The following STK32B variants were observed in gnomAD, a reference collection of about 807,000 sequenced individuals.
STK32B encodes the protein serine/threonine kinase 32B.
Under a neutral mutation model 52.6 loss-of-function variants are expected in STK32B, and 43 were observed. The ratio of observed to expected loss-of-function variants is 0.82; its 90% CI spans 0.64 to 1.05. The LOEUF (loss-of-function observed/expected upper bound fraction) is 1.05, where lower values mean the gene tolerates loss of function less well. Ranked by LOEUF, STK32B falls within the 50% of genes least tolerant of loss-of-function variation. The probability of loss-of-function intolerance (pLI) is 0.00; values close to 1 mark genes in which losing one functional copy is unlikely to be tolerated. For missense variants in STK32B, 621 were observed against 534.6 expected (o/e 1.16, Z -1.59); for synonymous variants, 238 against 204.3 (o/e 1.17, Z -1.41).
intron 3 of STK32B, among the ~76,000 whole-genome samples, chr4:5,317,501 T>A (rs1731166825): frequency 2.3e-5 from 2 of 85,338 alleles, no homozygotes. Context: ...TAATATATAT[T>A]ATATATGTAT....
intron 6 of STK32B, among the ~76,000 whole-genome samples, chr4:5,429,672 T>C (rs1713399690): frequency 6.6e-6 from 1 of 152,174 alleles, no homozygotes; most frequent in African/African-American, 2.4e-5. Flanking sequence ...TATTCTTTCT[T>C]TGTGTAGCTT....
intron 1 of STK32B, among the ~76,000 whole-genome samples, chr4:5,072,337 C>G (rs1177006367): frequency 6.6e-6 from 1 of 152,144 alleles, no homozygotes; most frequent in African/African-American, 2.4e-5. Context: ...GCTTCTCTTC[C>G]TATCCCTAAA....
chr4:5,188,868 T>TG (rs1720956148), intron 3 of STK32B, among the ~76,000 whole-genome samples: 1 of 59,440 alleles, frequency 1.7e-5, no homozygotes, highest in Non-Finnish European at 3.4e-5. Context: ...TGTCAGGGGG[T>TG]GGGGGGCTGG....
At chr4:5,201,478 A>T (rs1242704426) in intron 3 of STK32B, among the ~76,000 whole-genome samples, 2 of 152,190 alleles carry the variant, frequency 1.3e-5, no homozygotes, top group Non-Finnish European at 2.9e-5. Flanking sequence ...TGATTGAGGG[A>T]TGAGTTGCAC....
At chr4:5,032,894 C>T in the STK32B span, among the ~76,000 whole-genome samples, 1,455 of 152,156 alleles carry the variant, frequency 9.6e-3, 6 homozygotes, top group Non-Finnish European at 0.016. Context: ...GACAGTTGAA[C>T]TCTCTGAGCT....
intron 4 of STK32B, among the ~76,000 whole-genome samples, chr4:5,379,299 T>TC (rs1335723921): frequency 2.6e-5 from 4 of 152,072 alleles, no homozygotes; most frequent in African/African-American, 9.7e-5. Context: ...CCCCCTTGTA[T>TC]CCAGCACATG....
intron 1 of STK32B, among the ~76,000 whole-genome samples, chr4:5,092,607 C>T (rs540564634): frequency 3.9e-5 from 6 of 152,094 alleles, no homozygotes; most frequent in South Asian, 4.2e-4. Flanking sequence ...AATTGGCTCA[C>T]GGTTCTGCAG....
intron 2 of STK32B, among the ~76,000 whole-genome samples, chr4:5,147,572 G>C (rs1717010817): frequency 6.6e-6 from 1 of 151,958 alleles, no homozygotes; most frequent in African/African-American, 2.4e-5. Context: ...TTTCAGAGAT[G>C]CTCTTTATCA....
rs1016203376 is a variant in STK32B at position 5,375,153 on chromosome 4, C to T, written c.435-23054C>T. Among the ~76,000 whole-genome samples the T allele has an allele frequency of 3.3e-5, 5 of 152,324 alleles. No homozygotes were observed. In the South Asian group the frequency reaches 1.0e-3, roughly 32 times the overall value. On this transcript the variant is annotated intron_variant, in intron 4 of 11. Coordinates refer to ENST00000282908, the MANE Select transcript of STK32B (RefSeq NM_018401.3). The stretch of plus-strand genomic sequence containing the variant: ...CTCCAGGCGCCCAGCCTGCCATGCA[C>T]ACCCTTCCGTGATCTTGCCACCCCA...
At chr4:5,301,333 A>G (rs1010188240) in intron 3 of STK32B, among the ~76,000 whole-genome samples, 13 of 152,146 alleles carry the variant, frequency 8.5e-5, no homozygotes, top group Non-Finnish European at 1.5e-4. Context: ...AAGAATTTGC[A>G]GAAGATTGTT....
At chr4:5,353,284 AT>A (rs1301703090) in intron 4 of STK32B, among the ~76,000 whole-genome samples, 1 of 152,162 alleles carries the variant, frequency 6.6e-6, no homozygotes, top group African/African-American at 2.4e-5. Context: ...ATGTAAGACA[AT>A]AAACTATAAA....
At chr4:5,294,610 T>G (rs1477394951) in intron 3 of STK32B, among the ~76,000 whole-genome samples, 1 of 152,140 alleles carries the variant, frequency 6.6e-6, no homozygotes, top group Non-Finnish European at 1.5e-5. Context: ...TTGTAATTTT[T>G]CCCATTGATT....
At chr4:5,277,644 A>G (rs1218387701) in intron 3 of STK32B, among the ~76,000 whole-genome samples, 1 of 152,210 alleles carries the variant, frequency 6.6e-6, no homozygotes, top group Non-Finnish European at 1.5e-5. Flanking sequence ...AAAAAAACTA[A>G]AAGATATTAA....
chr4:5,176,171 G>A (rs1185829079), intron 3 of STK32B, among the ~76,000 whole-genome samples: 2 of 152,196 alleles, frequency 1.3e-5, no homozygotes, highest in Non-Finnish European at 2.9e-5. Context: ...TAGGGTGGGA[G>A]TGACCCGATT....
At chr4:5,249,663 C>G (rs1725774788) in intron 3 of STK32B, among the ~76,000 whole-genome samples, 2 of 152,180 alleles carry the variant, frequency 1.3e-5, no homozygotes, top group South Asian at 4.1e-4. Context: ...TAATTTCACT[C>G]TTCCTTGATC....
chr4:5,366,080 G>A (rs1734857601), intron 4 of STK32B, among the ~76,000 whole-genome samples: 2 of 151,882 alleles, frequency 1.3e-5, no homozygotes, highest in African/African-American at 4.8e-5. Context: ...AAGAAACTAG[G>A]CCAACCTGTC....
At chr4:5,306,390 G>A (rs1022060645) in intron 3 of STK32B, among the ~76,000 whole-genome samples, 8 of 152,102 alleles carry the variant, frequency 5.3e-5, no homozygotes, top group South Asian at 2.1e-4. Flanking sequence ...GAACTCCAGC[G>A]TTAGGTTCAC....
At chr4:5,496,365 C>T (rs567603239) in intron 11 of STK32B, among the ~76,000 whole-genome samples, 153 of 152,302 alleles carry the variant, frequency 1.0e-3, no homozygotes, top group Non-Finnish European at 1.6e-3. Flanking sequence ...ACTCCGTGGG[C>T]ATAGGACCCT....
At position 5,249,469 on chromosome 4, in the gene STK32B, T is replaced by C. The variant is rs768694331; in HGVS notation, c.260+81019T>C. Among the ~76,000 whole-genome samples the C allele has an allele frequency of 6.3e-3, 877 of 138,254 alleles. 10 individuals carry two copies. Among genetic ancestry groups the C allele is most frequent in the South Asian group, 0.014 (60 of 4,268 alleles). 90.7% of individuals were successfully genotyped at this position (138,254 alleles called of 152,430 possible). ...TTCCTTCCTTCCTTCCTTCCTTCCT[T>C]CCTTCCTTCCTTCCTTCCTTCCTTC... On this transcript the variant is annotated intron_variant, in intron 3 of 11. Coordinates refer to ENST00000282908, the MANE Select transcript of STK32B (RefSeq NM_018401.3).
Sources: gnomAD v4.1 joint callset for allele counts (sites outside exome capture counted in the v4.1 genomes callset) on GRCh38, gnomAD v4.1.1 for gene constraint, MANE v1.5 for transcripts, NCBI Gene and HGNC (gene_info 2026-07-23, HGNC 2026-07-21) for gene names.